The following CYREN variants were observed in gnomAD, a reference collection of about 807,000 sequenced individuals.
CYREN encodes cell cycle regulator of non-homologous end joining.
Under a neutral mutation model 9.7 loss-of-function variants are expected in CYREN, and 7 were observed. That is an observed-to-expected ratio of 0.72 (90% CI 0.41 to 1.36). CYREN has a LOEUF of 1.36. Among genes scored for constraint, CYREN ranks in the 40% most tolerant of loss-of-function variants. The probability of loss-of-function intolerance (pLI) is 0.01; values close to 1 mark genes in which losing one functional copy is unlikely to be tolerated. For missense variants in CYREN, 215 were observed against 198.1 expected (o/e 1.09, Z -0.51); for synonymous variants, 76 against 77.9 (o/e 0.98, Z 0.13).
At chr7:135,093,527 A>G (rs1822181086) in exon 3 of CYREN, 1 of 152,216 alleles carries the variant, frequency 6.6e-6, no homozygotes, top group Admixed American at 6.5e-5. Context: ...AAAAAGAACA[A>G]AATACTTAGG....
chr7:135,169,099 C>G, intron 1 of CYREN, 39 bp from the exon 2 acceptor site: 1 of 614,100 alleles, frequency 1.6e-6, no homozygotes, highest in Non-Finnish European at 2.8e-6. Flanking sequence ...TCCCATACCT[C>G]CAGTCATCAG....
chr7:135,105,885 A>G (rs1341675766), intron 2 of CYREN, among the ~76,000 whole-genome samples: 1 of 152,156 alleles, frequency 6.6e-6, no homozygotes, highest in Non-Finnish European at 1.5e-5. Context: ...GGAATGTTCC[A>G]TTTGTTTATG....
chr7:135,150,041 A>G (rs10280092), intron 2 of CYREN, among the ~76,000 whole-genome samples: 73,773 of 151,968 alleles, frequency 0.49, 18,263 homozygotes, highest in South Asian at 0.66. Context: ...TAAGTTCCAA[A>G]TTTTATTTTT....
intron 2 of CYREN, among the ~76,000 whole-genome samples, chr7:135,111,700 G>A (rs147028149): frequency 5.3e-5 from 8 of 152,202 alleles, no homozygotes; most frequent in East Asian, 1.9e-4. Context: ...TTCATGAAAC[G>A]TGTTGAAATA....
chr7:135,134,464 A>T (rs1829204981), intron 2 of CYREN, among the ~76,000 whole-genome samples: 1 of 152,080 alleles, frequency 6.6e-6, no homozygotes, highest in Non-Finnish European at 1.5e-5. Context: ...ATATATACTG[A>T]ATCCATTCTA....
At chr7:135,127,129 G>C (rs1317198953) in intron 2 of CYREN, among the ~76,000 whole-genome samples, 1 of 151,968 alleles carries the variant, frequency 6.6e-6, no homozygotes, top group Non-Finnish European at 1.5e-5. Context: ...TCTGACAAAG[G>C]TCTAATATCC....
intron 2 of CYREN, among the ~76,000 whole-genome samples, chr7:135,099,259 T>C (rs1355668384): frequency 6.6e-6 from 1 of 152,148 alleles, no homozygotes; most frequent in Non-Finnish European, 1.5e-5. Flanking sequence ...ATAAATTCAG[T>C]TCTGGAATGT....
upstream of CYREN, among the ~76,000 whole-genome samples, chr7:135,171,633 G>A (rs1346178042): frequency 6.6e-6 from 1 of 152,152 alleles, no homozygotes; most frequent in East Asian, 1.9e-4. Flanking sequence ...TGTGCACTCG[G>A]GGAGCTCGGA....
downstream of CYREN, chr7:135,165,125 GGGGC>G: frequency 8.0e-7 from 1 of 1,248,864 alleles, no homozygotes; most frequent in Non-Finnish European, 1.1e-6. Context: ...CAGAGGAGGT[GGGGC>G]CCCTGTGTCA....
downstream of CYREN, among the ~76,000 whole-genome samples, chr7:135,164,162 TTAAGA>T (rs1830019600): frequency 6.6e-6 from 1 of 152,248 alleles, no homozygotes; most frequent in Non-Finnish European, 1.5e-5. Flanking sequence ...TTCACTCAGT[TTAAGA>T]TGTTTCACAC....
chr7:135,131,325 T>A (rs1267485916), intron 2 of CYREN, among the ~76,000 whole-genome samples: 1 of 150,702 alleles, frequency 6.6e-6, no homozygotes, highest in African/African-American at 2.4e-5. Flanking sequence ...GGGTGAGGGG[T>A]GAGGGGAGGG....
chr7:135,128,530 C>T (rs1828275522), intron 2 of CYREN: 3 of 764,368 alleles, frequency 3.9e-6, no homozygotes, highest in Middle Eastern at 2.5e-4. Flanking sequence ...AGCAGTCTGT[C>T]CAAGGTGGAG....
At chr7:135,142,913 C>A (rs1829479748) in intron 2 of CYREN, among the ~76,000 whole-genome samples, 1 of 152,138 alleles carries the variant, frequency 6.6e-6, no homozygotes, top group South Asian at 2.1e-4. Context: ...ATCTATAGAT[C>A]CCAATTAAAA....
intron 2 of CYREN, among the ~76,000 whole-genome samples, chr7:135,131,314 G>C (rs184557552): frequency 6.6e-6 from 1 of 152,016 alleles, no homozygotes; most frequent in Non-Finnish European, 1.5e-5. Flanking sequence ...GGCCTGTTGC[G>C]GGGTGAGGGG....
At chr7:135,117,924 GA>G (rs1348141298) in intron 2 of CYREN, among the ~76,000 whole-genome samples, 1 of 152,208 alleles carries the variant, frequency 6.6e-6, no homozygotes, top group Non-Finnish European at 1.5e-5. Context: ...GAATTGGAAT[GA>G]GAGATAGTGG....
chr7:135,164,288 T>G, downstream of CYREN: 1 of 692,088 alleles, frequency 1.4e-6, no homozygotes, highest in Non-Finnish European at 2.4e-6. Context: ...TTCTGGTCCT[T>G]GGTGGAGGGC....
At chr7:135,115,177 G>T (rs185721700) in intron 2 of CYREN, among the ~76,000 whole-genome samples, 3 of 151,872 alleles carry the variant, frequency 2.0e-5, no homozygotes, top group Admixed American at 6.6e-5. Context: ...ACTCCCCTCC[G>T]CAGCTTTACT....
intron 2 of CYREN, among the ~76,000 whole-genome samples, chr7:135,100,517 G>C (rs1823672029): frequency 6.6e-6 from 1 of 152,124 alleles, no homozygotes; most frequent in South Asian, 2.1e-4. Flanking sequence ...GTACAACAGA[G>C]AGACCATGGT....
intron 2 of CYREN, among the ~76,000 whole-genome samples, chr7:135,117,710 G>T (rs1826524331): frequency 6.6e-6 from 1 of 152,208 alleles, no homozygotes; most frequent in Non-Finnish European, 1.5e-5. Flanking sequence ...GAAAGGATTT[G>T]CTTGCTGCTT....
Sources: gnomAD v4.1 joint callset for allele counts (sites outside exome capture counted in the v4.1 genomes callset) on GRCh38, gnomAD v4.1.1 for gene constraint, MANE v1.5 for transcripts, NCBI Gene and HGNC (gene_info 2026-07-23, HGNC 2026-07-21) for gene names.